The following SPATA7 variants were observed in gnomAD, a reference collection of about 807,000 sequenced individuals.
SPATA7 encodes the protein spermatogenesis-associated protein 7.
Under a neutral mutation model 51.8 loss-of-function variants are expected in SPATA7, and 43 were observed. The observed-to-expected ratio is 0.83, with a 90% CI of 0.65 to 1.07. The LOEUF is 1.07. Among genes scored for constraint, SPATA7 ranks in the 50% least tolerant of loss-of-function variants. SPATA7 has a pLI of 0.00. For synonymous variants in SPATA7, 230 were observed against 252.8 expected, an observed-to-expected ratio of 0.91 and a Z score of 0.86; for missense variants, 683 against 701.3, an observed-to-expected ratio of 0.97 and a Z score of 0.30.
intron 3 of SPATA7, among the ~76,000 whole-genome samples, chr14:88,447,331 T>G (rs1270303340): frequency 1.3e-5 from 2 of 150,030 alleles, no homozygotes; most frequent in African/African-American, 4.9e-5. Flanking sequence ...GTTTTCCATT[T>G]GCTTGGTAGA....
chr14:88,431,887 G>C (rs56364711), intron 9 of SPATA7, among the ~76,000 whole-genome samples: 5,371 of 152,126 alleles, frequency 0.035, 310 homozygotes, highest in African/African-American at 0.12. Context: ...CCAGCTTTGG[G>C]ATATCAATCG....
In SPATA7 at chr14:88,469,546, G is replaced by A; in HGVS notation, c.255-301G>A. ...TGGACAGCCATGTTCAGGCCAGTCT[G>A]TGTATTGGAGGTGCCAGACGGTCCT... On this transcript the variant is annotated intron_variant, in intron 4 of 4. Coordinates refer to the SPATA7 transcript ENST00000556406. The surrounding 1 kb of genome is among the most constrained non-coding windows in gnomAD (Gnocchi z 4.3). 6.2e-7 allele frequency: 1 copy of A among 1,614,168 alleles called. No individual in the cohort carries two copies. Among genetic ancestry groups the A allele is most frequent in the Non-Finnish European group, 8.5e-7 (1 of 1,180,016 alleles).
intron 5 of SPATA7, among the ~76,000 whole-genome samples, chr14:88,425,835 C>A (rs1212946868): frequency 1.3e-5 from 2 of 152,126 alleles, no homozygotes; most frequent in East Asian, 3.8e-4. Context: ...CTGCACTCTC[C>A]AATAATGACA....
chr14:88,407,392 T>C (rs2076227535), intron 4 of SPATA7, among the ~76,000 whole-genome samples: 1 of 152,246 alleles, frequency 6.6e-6, no homozygotes, highest in Non-Finnish European at 1.5e-5. Context: ...TTTTCATGTT[T>C]GTTGGCCACA....
intron 3 of SPATA7, among the ~76,000 whole-genome samples, chr14:88,443,501 C>CT (rs1309577165): frequency 6.6e-6 from 1 of 151,832 alleles, no homozygotes; most frequent in African/African-American, 2.4e-5. Flanking sequence ...TATTATTATA[C>CT]TTTAAGTTTT....
At chr14:88,426,176 C>A in intron 5 of SPATA7, 56 bp from the exon 6 acceptor site, 1 of 1,274,062 alleles carries the variant, frequency 7.8e-7, no homozygotes, top group East Asian at 2.4e-5. Context: ...ATCTCAAAAT[C>A]CCCAATTACA....
rs932531051 is a variant in SPATA7, at chr14:88,433,117, A to G, written c.1083-18A>G. On this transcript the variant is annotated intron_variant, in intron 9 of 11. Coordinates refer to ENST00000393545, the MANE Select transcript of SPATA7 (RefSeq NM_018418.5). The stretch of plus-strand genomic sequence containing the variant: ...GTAAGGAATAATTTTTATGCTATAT[A>G]TTGCCTTCCTTTTACAGTGAAGAAG... 3 of 1,597,022 alleles carry G rather than the reference A, an allele frequency of 1.9e-6. No individual in the cohort carries two copies. The highest frequency in any genetic ancestry group is 1.7e-5 in the Admixed American group (1 of 59,892).
chr14:88,403,457 T>C (rs534643671), intron 4 of SPATA7, among the ~76,000 whole-genome samples: 35 of 152,252 alleles, frequency 2.3e-4, no homozygotes, highest in African/African-American at 8.4e-4. Context: ...AAATGTGGTA[T>C]GTGTATAAAG....
At chr14:88,416,586 A>G (rs2076484229) in intron 4 of SPATA7, 125 bp from the exon 5 acceptor site, 1 of 926,804 alleles carries the variant, frequency 1.1e-6, no homozygotes, top group Admixed American at 2.4e-5. Flanking sequence ...AGGAAAATAA[A>G]TGGATTTTTA....
intron 4 of SPATA7, among the ~76,000 whole-genome samples, chr14:88,415,466 A>G (rs1045239342): frequency 1.3e-5 from 2 of 150,272 alleles, no homozygotes; most frequent in Non-Finnish European, 2.9e-5. Context: ...CCTCTTGAAG[A>G]TAGTAGAAGG....
intron 10 of SPATA7, among the ~76,000 whole-genome samples, chr14:88,436,690 C>G (rs1278426511): frequency 6.6e-6 from 1 of 152,054 alleles, no homozygotes; most frequent in Non-Finnish European, 1.5e-5. Context: ...TGCCTTTTCC[C>G]CAGTGTATGT....
intron 4 of SPATA7, among the ~76,000 whole-genome samples, chr14:88,401,490 C>G (rs1273247039): frequency 6.6e-6 from 1 of 151,972 alleles, no homozygotes; most frequent in Non-Finnish European, 1.5e-5. Context: ...ATTGGAAGTC[C>G]TAGCCAGAGC....
chr14:88,467,723 T>C, intron 4 of SPATA7: 1 of 176,122 alleles, frequency 5.7e-6, no homozygotes, highest in Admixed American at 6.3e-5. Context: ...ACTAGAAAAA[T>C]CCCTAAATAT....
intron 4 of SPATA7, among the ~76,000 whole-genome samples, chr14:88,461,222 A>C (rs1282297292): frequency 2.0e-5 from 3 of 152,050 alleles, no homozygotes; most frequent in Admixed American, 6.6e-5. Context: ...GAGAACCACT[A>C]TTCACTTCAA....
chr14:88,408,235 T>C (rs1055393656), intron 4 of SPATA7, among the ~76,000 whole-genome samples: 4 of 152,190 alleles, frequency 2.6e-5, no homozygotes, highest in African/African-American at 9.7e-5. Context: ...ATTCTTCCTA[T>C]CCATGAGCAT....
chr14:88,390,688 G>T (rs780662787), intron 1 of SPATA7, among the ~76,000 whole-genome samples: 2 of 152,184 alleles, frequency 1.3e-5, no homozygotes, highest in African/African-American at 2.4e-5. Context: ...AAGTTGAGTT[G>T]TCATTTCCAG....
intron 4 of SPATA7, among the ~76,000 whole-genome samples, chr14:88,408,259 A>G (rs1475574565): frequency 1.3e-5 from 2 of 151,982 alleles, no homozygotes; most frequent in African/African-American, 4.8e-5. Context: ...ATGGTTTTCC[A>G]TTTGTTTGTG....
intron 4 of SPATA7, among the ~76,000 whole-genome samples, chr14:88,403,713 A>G (rs577426089): frequency 2.0e-5 from 3 of 152,334 alleles, no homozygotes; most frequent in African/African-American, 4.8e-5. Context: ...TCAGAGAGGC[A>G]GAGAGTAGAA....
chr14:88,429,240 T>C, intron 7 of SPATA7, 108 bp from the exon 8 acceptor site: 1 of 670,902 alleles, frequency 1.5e-6, no homozygotes, highest in South Asian at 1.6e-5. Flanking sequence ...TGTATAATTT[T>C]TATCTACTGG....
Sources: allele counts gnomAD v4.1 joint callset (sites outside exome capture counted in the v4.1 genomes callset), GRCh38; gene constraint gnomAD v4.1.1; non-coding constraint Gnocchi (gnomAD v3.1); transcripts MANE v1.5; gene names NCBI Gene and HGNC (gene_info 2026-07-23, HGNC 2026-07-21).